EIF3L: variants seen among roughly 807,000 people sequenced by gnomAD.
The protein encoded by EIF3L is eIEF associated protein HSPC021.
In EIF3L, 32 loss-of-function variants were observed where a neutral mutation model predicts 74.6. That is an observed-to-expected ratio of 0.43 (90% CI 0.32 to 0.58). EIF3L has a LOEUF of 0.58. Ranked by LOEUF, EIF3L falls within the 20% of genes least tolerant of loss-of-function variation. The pLI, the probability that EIF3L is intolerant of heterozygous loss-of-function variation, is 0.06. For synonymous variants in EIF3L, 256 were observed against 254.4 expected (o/e 1.01, Z -0.06); for missense variants, 474 against 707.8 (o/e 0.67, Z 3.75).
chr22:37,884,491 G>C (rs747868212), intron 11 of EIF3L: 8 of 152,028 alleles, frequency 5.3e-5, no homozygotes, highest in Non-Finnish European at 1.2e-4. Flanking sequence ...AGTTCATTTT[G>C]CTTTAAAATA....
At chr22:37,856,912 T>C (rs1331153365) in intron 4 of EIF3L, among the ~76,000 whole-genome samples, 1 of 151,860 alleles carries the variant, frequency 6.6e-6, no homozygotes, top group East Asian at 1.9e-4. Context: ...TTTTTTTTTT[T>C]TCCCCAAGAT....
intron 12 of EIF3L, 126 bp downstream of exon 12, chr22:37,886,971 C>G: frequency 1.4e-6 from 1 of 701,318 alleles, no homozygotes; most frequent in South Asian, 1.6e-5. Context: ...TGCTGTCACC[C>G]ATGCTGGAGT....
At chr22:37,878,737 AC>A (rs2145837116) in intron 11 of EIF3L, 1 of 153,294 alleles carries the variant, frequency 6.5e-6, no homozygotes, top group South Asian at 2.1e-4. Context: ...TGCTGGGATT[AC>A]CAACAATAGA....
chr22:37,852,624 T>C (rs1925286409), intron 3 of EIF3L, among the ~76,000 whole-genome samples: 1 of 152,056 alleles, frequency 6.6e-6, no homozygotes, highest in African/African-American at 2.4e-5. Context: ...TGTGTTTTCT[T>C]TTTTTGTTGT....
Position 37,875,992 on chromosome 22 carries a change from C to G in EIF3L, c.1058C>G (p.Thr353Ser), listed in dbSNP as rs142568173. 1.4e-4 allele frequency: 225 copies of G among 1,613,772 alleles called. No individual in the cohort carries two copies. Among genetic ancestry groups the G allele is most frequent in the Non-Finnish European group, 2.3e-5 (27 of 1,179,870 alleles). Residue 353 changes from threonine (T) to serine (S), a missense_variant, in exon 10 of 13, where the codon ACC (threonine) becomes AGC (serine). By Grantham distance (58) the Thr-to-Ser change is moderately conservative (BLOSUM62 1). Around this residue, in one of 4 missense-constraint regions of EIF3L, gnomAD observed 293 missense variants for 469.1 expected, o/e 0.62. Transcript: ENST00000652021. Reference sequence around the variant, plus strand: ...AGGACCAAGAGCATGTTCCAGAGGACCACGTACAAGTATGAGATGGTAAGG... The same window carrying G: ...AGGACCAAGAGCATGTTCCAGAGGAGCACGTACAAGTATGAGATGGTAAGG... ...IQRTKSMFQR[T>S]TYKYEMINKQ...
chr22:37,868,922 A>G (rs1379318508), intron 7 of EIF3L, among the ~76,000 whole-genome samples: 1 of 151,414 alleles, frequency 6.6e-6, no homozygotes, highest in Non-Finnish European at 1.5e-5. Context: ...GATTACAGGC[A>G]TGAGCCACCG....
intron 11 of EIF3L, chr22:37,882,768 C>G (rs1277406563): frequency 6.6e-6 from 1 of 151,932 alleles, no homozygotes; most frequent in Non-Finnish European, 1.5e-5. Flanking sequence ...TTTGGGAGGC[C>G]GAGCTAGGCG....
At chr22:37,868,286 T>A (rs1446984956) in intron 7 of EIF3L, among the ~76,000 whole-genome samples, 2 of 150,678 alleles carry the variant, frequency 1.3e-5, no homozygotes, top group Non-Finnish European at 3.0e-5. Context: ...GCTAATTTTT[T>A]TTTTTTTTTT....
At chr22:37,860,998 C>G (rs1925825946) in intron 5 of EIF3L, among the ~76,000 whole-genome samples, 1 of 152,152 alleles carries the variant, frequency 6.6e-6, no homozygotes, top group Non-Finnish European at 1.5e-5. Context: ...GAGCACTTAT[C>G]TCTTGTACGT....
chr22:37,865,585 T>G (rs1210318566), intron 7 of EIF3L, among the ~76,000 whole-genome samples: 1 of 152,242 alleles, frequency 6.6e-6, no homozygotes, highest in Non-Finnish European at 1.5e-5. Flanking sequence ...AAGATGTTAT[T>G]AGAACTCCGT....
intron 8 of EIF3L, among the ~76,000 whole-genome samples, chr22:37,873,360 G>A (rs1419810249): frequency 6.8e-5 from 10 of 146,410 alleles, no homozygotes; most frequent in African/African-American, 2.3e-4. Flanking sequence ...GTGCAGTGGC[G>A]CAATCTGGGC....
chr22:37,888,433 G>A lies in EIF3L; in HGVS notation c.1664G>A (p.Arg555Gln), dbSNP rs368635683. 22 of 1,613,814 alleles carry A rather than the reference G, an allele frequency of 1.4e-5. No homozygotes were observed. The highest frequency in any genetic ancestry group is 1.8e-5 in the Non-Finnish European group (21 of 1,179,982). The change falls in exon 13 of 13, where the codon CGA becomes CAA. Residue 555 changes from arginine to glutamine, a missense_variant. Physicochemically the swap from Arg to Gln is conservative, Grantham distance 43 (BLOSUM62 1). Transcript: ENST00000652021. ...CTTTTCTTTCTCTTCTAGCTTAATC[G>A]AACCCTGAAGAAGATGGGACAGAGA... ...RQIHKFEELNRTLKKMGQRP is the reference protein window; with the variant it reads ...RQIHKFEELNQTLKKMGQRP
chr22:37,868,280 ATTT>A (rs750122946), intron 7 of EIF3L, among the ~76,000 whole-genome samples: 1 of 130,334 alleles, frequency 7.7e-6, no homozygotes. Flanking sequence ...CGCCCTGCTA[ATTT>A]TTTTTTTTTT....
intron 8 of EIF3L, among the ~76,000 whole-genome samples, chr22:37,872,098 T>C (rs369797776): frequency 6.6e-6 from 1 of 152,054 alleles, no homozygotes; most frequent in Non-Finnish European, 1.5e-5. Context: ...GTAATTTGAA[T>C]GAGTTCCTTA....
rs369186163 is a variant in EIF3L, at chr22:37,863,384, C to T, written c.579+39C>T. 6.7e-6 allele frequency: 10 copies of T among 1,492,840 alleles called. No homozygotes were observed. The African/African-American group carries it at 1.1e-4, about 17-fold the overall frequency. The allele number at this position is 1,492,840 out of a possible 1,614,324, so 92.5% of individuals were successfully genotyped here. ...TTCAGCCTAATTTGAAATAACTGGT[C>T]CATGCCAGGAATAGCTGTTACTATT... is the stretch of plus-strand genomic sequence containing the variant. On this transcript the variant is annotated intron_variant, in intron 7 of 12. Coordinates refer to ENST00000652021, the MANE Select transcript of EIF3L (RefSeq NM_016091.4).
At position 37,849,421 on chromosome 22, in the gene EIF3L, T is replaced by C; in HGVS notation, c.-29T>C. ...AGGCGCGGGCCGCTCATTTCGCTCT[T>C]TCCGGCGGTGCTCGCAAGCGAGGCA... On this transcript the variant is annotated 5_prime_UTR_variant, in exon 1 of 13. Transcript: ENST00000652021. 6.2e-7 allele frequency: 1 copy of C among 1,614,038 alleles called. No homozygotes were observed. The highest frequency in any genetic ancestry group is 8.5e-7 in the Non-Finnish European group (1 of 1,179,958).
chr22:37,886,500 C>T (rs557689736), intron 11 of EIF3L: 172 of 187,260 alleles, frequency 9.2e-4, no homozygotes, highest in Admixed American at 2.2e-3. Context: ...ACCCTGGAGG[C>T]GGAGGTTGCA....
At chr22:37,854,756 C>T (rs573444668) in intron 3 of EIF3L, among the ~76,000 whole-genome samples, 2 of 152,192 alleles carry the variant, frequency 1.3e-5, no homozygotes, top group Admixed American at 6.5e-5. Context: ...TGTGAGCCAG[C>T]GCGCCTGGCC....
At chr22:37,862,910 T>G (rs1279547397) in intron 5 of EIF3L, 59 bp from the exon 6 acceptor site, 1 of 1,297,552 alleles carries the variant, frequency 7.7e-7, no homozygotes, top group South Asian at 1.3e-5. Context: ...CAGTATACCA[T>G]GGGTAAAACA....
Sources: allele counts gnomAD v4.1 joint callset (sites outside exome capture counted in the v4.1 genomes callset), GRCh38; gene constraint gnomAD v4.1.1; regional missense constraint gnomAD v4.1.1; transcripts MANE v1.5; gene names NCBI Gene and HGNC (gene_info 2026-07-23, HGNC 2026-07-21).